Variants in LRP1B observed in about 807,000 individuals in gnomAD.
The protein encoded by LRP1B is low-density lipoprotein receptor-related protein 1B.
LRP1B carries 217 observed loss-of-function variants against 556.6 expected under a neutral mutation model. The ratio of observed to expected loss-of-function variants is 0.39; its 90% CI spans 0.35 to 0.44. The LOEUF (loss-of-function observed/expected upper bound fraction) is 0.44, where lower values mean the gene tolerates loss of function less well. Among genes scored for constraint, LRP1B ranks in the 20% least tolerant of loss-of-function variants. The pLI is 1.00. For missense variants in LRP1B, 5,053 were observed against 5,620.8 expected (o/e 0.90, Z 3.23); for synonymous variants, 2,047 against 1,865.8 (o/e 1.10, Z -2.50).
At chr2:140,579,778 G>T (rs1681685885) in intron 43 of LRP1B, among the ~76,000 whole-genome samples, 1 of 152,146 alleles carries the variant, frequency 6.6e-6, no homozygotes, top group African/African-American at 2.4e-5. Flanking sequence ...GGAGGCGGGG[G>T]TTGCAGTGAA....
chr2:140,506,970 C>T (rs1319058171), intron 52 of LRP1B, 52 bp from the exon 53 acceptor site: 3 of 1,572,434 alleles, frequency 1.9e-6, no homozygotes, highest in Non-Finnish European at 2.6e-6. Context: ...ATGTTATCTT[C>T]CCCTATATTA....
At chr2:140,352,896 C>T in intron 76 of LRP1B, 57 bp downstream of exon 76, 1 of 1,505,234 alleles carries the variant, frequency 6.6e-7, no homozygotes, top group Non-Finnish European at 9.0e-7. Context: ...CATTTTTCTC[C>T]ATAAAATGTT....
intron 1 of LRP1B, among the ~76,000 whole-genome samples, chr2:142,062,861 A>G (rs928035294): frequency 4.6e-5 from 7 of 151,706 alleles, no homozygotes; most frequent in African/African-American, 1.7e-4. Flanking sequence ...AATTATGGGA[A>G]CTGCTCAATA....
intron 2 of LRP1B, among the ~76,000 whole-genome samples, chr2:141,703,059 C>G (rs1011154714): frequency 6.6e-6 from 1 of 151,870 alleles, no homozygotes; most frequent in African/African-American, 2.4e-5. Context: ...ATAAACAGAA[C>G]ATTTTCAACA....
chr2:141,350,263 C>A (rs559521408), intron 3 of LRP1B, among the ~76,000 whole-genome samples: 38 of 151,976 alleles, frequency 2.5e-4, no homozygotes, highest in African/African-American at 8.9e-4. Context: ...ATATGAAAAC[C>A]ATTTCAATGG....
intron 2 of LRP1B, among the ~76,000 whole-genome samples, chr2:141,636,258 G>T (rs568902360): frequency 1.3e-5 from 2 of 152,200 alleles, no homozygotes; most frequent in Admixed American, 1.3e-4. Flanking sequence ...TTACTATCTG[G>T]AATATGTAAA....
chr2:140,572,902 G>A (rs930054213), intron 43 of LRP1B, among the ~76,000 whole-genome samples: 3 of 151,644 alleles, frequency 2.0e-5, no homozygotes, highest in Admixed American at 2.0e-4. Context: ...AATAAACCAG[G>A]CACAGAAAGA....
intron 2 of LRP1B, among the ~76,000 whole-genome samples, chr2:141,724,018 A>G (rs1692938895): frequency 6.6e-6 from 1 of 151,948 alleles, no homozygotes; most frequent in South Asian, 2.1e-4. Flanking sequence ...ATAAAGTTAA[A>G]TGATTACTGG....
intron 2 of LRP1B, among the ~76,000 whole-genome samples, chr2:141,683,691 C>A (rs1407159951): frequency 3.9e-5 from 6 of 151,908 alleles, no homozygotes; most frequent in African/African-American, 9.7e-5. Context: ...AACAAGGAAC[C>A]AATACTTTAT....
At chr2:140,967,131 G>T (rs1696251897) in intron 18 of LRP1B, among the ~76,000 whole-genome samples, 1 of 152,150 alleles carries the variant, frequency 6.6e-6, no homozygotes, top group African/African-American at 2.4e-5. Context: ...AATTACCTCA[G>T]GCAGTATGGC....
chr2:140,786,327 C>T (rs957430225), intron 32 of LRP1B, among the ~76,000 whole-genome samples: 1 of 152,174 alleles, frequency 6.6e-6, no homozygotes, highest in Non-Finnish European at 1.5e-5. Flanking sequence ...ATAATTAAAA[C>T]TATTTGGAAT....
chr2:140,867,241 T>C lies in LRP1B; in HGVS notation c.4579+349A>G, dbSNP rs563640568. 1.1e-4 allele frequency among the ~76,000 whole-genome samples: 16 copies of C among 152,126 alleles called. No homozygotes were observed. The South Asian group carries it at 3.3e-3, about 32-fold the overall frequency. Reference sequence around the variant, plus strand: ...GCCTGTGAACTCACTTCTCCTAAAATAGAGGAACTCAGGCAAATGGTTCAC... The same window carrying C: ...GCCTGTGAACTCACTTCTCCTAAAACAGAGGAACTCAGGCAAATGGTTCAC... On this transcript the variant is annotated intron_variant, in intron 27 of 90. Transcript: ENST00000389484.
intron 66 of LRP1B, among the ~76,000 whole-genome samples, chr2:140,431,010 G>A (rs916098408): frequency 6.6e-6 from 1 of 152,252 alleles, no homozygotes; most frequent in Non-Finnish European, 1.5e-5. Context: ...CTTTCCTACA[G>A]GGTCTGAGAA....
chr2:141,059,008 G>A lies in LRP1B; in HGVS notation c.1283C>T (p.Ala428Val), dbSNP rs2105463062. The change falls in exon 9 of 91, where the codon GCA becomes GTA. Residue 428 changes from alanine (A) to valine (V), a missense_variant. Physicochemically the swap from Ala to Val is moderately conservative, Grantham distance 64. Around this residue, in one of 5 missense-constraint regions of LRP1B, gnomAD observed 3,619 missense variants for 3,931.9 expected, o/e 0.92. Coordinates refer to ENST00000389484, the MANE Select transcript of LRP1B (RefSeq NM_018557.3). ...GITVFEDYLY[A>V]TNSDNYNIVR... ...GATATTGTAGTTATCAGAATTGGTT[G>A]CATACAAATAATCTTCAAACACAGT... The A allele has an allele frequency of 6.3e-7, 1 of 1,587,914 alleles. No homozygotes were observed. The highest frequency in any genetic ancestry group is 8.6e-7 in the Non-Finnish European group (1 of 1,165,468).
chr2:141,495,741 G>A (rs6429897), intron 2 of LRP1B, among the ~76,000 whole-genome samples: 144,026 of 152,158 alleles, frequency 0.95, 68,231 homozygotes, highest in East Asian at 1. Context: ...ACACATACAC[G>A]AACAATAATT....
At chr2:141,062,885 T>C (rs1699374065) in intron 7 of LRP1B, among the ~76,000 whole-genome samples, 1 of 151,838 alleles carries the variant, frequency 6.6e-6, no homozygotes, top group African/African-American at 2.4e-5. Context: ...ATTTAAAAAG[T>C]ATAGGTCATT....
chr2:140,303,924 C>T (rs966665722), intron 83 of LRP1B, among the ~76,000 whole-genome samples: 1 of 151,462 alleles, frequency 6.6e-6, no homozygotes, highest in Non-Finnish European at 1.5e-5. Context: ...GTTTTTTGTT[C>T]TTGTGATAGT....
intron 3 of LRP1B, among the ~76,000 whole-genome samples, chr2:141,284,470 A>G (rs867624515): frequency 5.9e-5 from 9 of 152,330 alleles, no homozygotes; most frequent in Middle Eastern, 3.4e-3. Context: ...GTGAAATAAG[A>G]AATTTCTGAA....
intron 2 of LRP1B, among the ~76,000 whole-genome samples, chr2:141,613,068 A>T (rs1252765925): frequency 6.6e-6 from 1 of 151,878 alleles, no homozygotes; most frequent in Non-Finnish European, 1.5e-5. Flanking sequence ...TCAGCCTCCC[A>T]AAGTGCTGGG....
Sources: gnomAD v4.1 joint callset for allele counts (sites outside exome capture counted in the v4.1 genomes callset) on GRCh38, gnomAD v4.1.1 for gene constraint, gnomAD v4.1.1 regional missense constraint, MANE v1.5 for transcripts, NCBI Gene and HGNC (gene_info 2026-07-23, HGNC 2026-07-21) for gene names.